The following FAM135B variants were observed in gnomAD, a reference collection of about 807,000 sequenced individuals.
The protein encoded by FAM135B is family with sequence similarity 135 member B, also known as protein FAM135B.
FAM135B carries 43 observed loss-of-function variants against 127.7 expected under a neutral mutation model. The observed-to-expected ratio is 0.34, with a 90% CI of 0.26 to 0.43. FAM135B has a LOEUF of 0.43. Ranked by LOEUF, FAM135B falls within the 20% of genes least tolerant of loss-of-function variation. The pLI is 1.00. For missense variants in FAM135B, 1,558 were observed against 1,725.6 expected (o/e 0.90, Z 1.72); for synonymous variants, 670 against 665.1 (o/e 1.01, Z -0.11).
chr8:138,167,140 T>C (rs1236140309), intron 12 of FAM135B, among the ~76,000 whole-genome samples: 4 of 152,008 alleles, frequency 2.6e-5, no homozygotes, highest in African/African-American at 9.7e-5. Flanking sequence ...AGGGGGATAA[T>C]GTGCTAACTC....
intron 11 of FAM135B, among the ~76,000 whole-genome samples, chr8:138,168,611 T>C (rs1478095449): frequency 1.3e-5 from 2 of 152,114 alleles, no homozygotes; most frequent in Non-Finnish European, 2.9e-5. Flanking sequence ...GAAGAAAAAA[T>C]GTCCCATATT....
rs753374933 is a variant in FAM135B, at chr8:138,420,903, AGCT to A, written c.-19-52904_-19-52902del. ...GCCAACATAATTCTGAATGGGCAAA[AGCT>A]GGAAGCATTCCCCTTGAGCACTGGA... On this transcript the variant is annotated intron_variant, in intron 1 of 19. Coordinates refer to ENST00000395297, the MANE Select transcript of FAM135B (RefSeq NM_015912.4). 4.6e-5 allele frequency among the ~76,000 whole-genome samples: 7 copies of A among 152,342 alleles called. No homozygotes were observed. The East Asian group carries it at 1.4e-3, about 29-fold the overall frequency.
intron 3 of FAM135B, among the ~76,000 whole-genome samples, chr8:138,266,344 G>A (rs1822921157): frequency 6.6e-6 from 1 of 152,078 alleles, no homozygotes; most frequent in East Asian, 1.9e-4. Context: ...TTAGGAAAAT[G>A]TGCTAATCCT....
intron 12 of FAM135B, among the ~76,000 whole-genome samples, chr8:138,154,664 C>T (rs756907018): frequency 2.1e-4 from 32 of 151,734 alleles, no homozygotes; most frequent in African/African-American, 6.8e-4. Flanking sequence ...CTTGAGTAGC[C>T]GATTCAATCA....
chr8:138,209,632 A>G (rs1013516803), intron 7 of FAM135B, among the ~76,000 whole-genome samples: 5 of 152,180 alleles, frequency 3.3e-5, no homozygotes, highest in African/African-American at 1.2e-4. Context: ...AACTAGCAAC[A>G]TATTAGCTAT....
intron 1 of FAM135B, among the ~76,000 whole-genome samples, chr8:138,456,155 T>C (rs1836766281): frequency 6.6e-6 from 1 of 152,212 alleles, no homozygotes; most frequent in South Asian, 2.1e-4. Context: ...TCCCCTGTTA[T>C]GGTTTGAACG....
intron 2 of FAM135B, among the ~76,000 whole-genome samples, chr8:138,350,801 C>T (rs922062193): frequency 2.1e-4 from 32 of 152,170 alleles, no homozygotes; most frequent in African/African-American, 7.5e-4. Context: ...TAAGCTAATT[C>T]CCAGAACTTC....
intron 2 of FAM135B, among the ~76,000 whole-genome samples, chr8:138,334,672 G>A (rs1828430965): frequency 6.6e-6 from 1 of 152,026 alleles, no homozygotes; most frequent in South Asian, 2.1e-4. Context: ...CATTAGTTTG[G>A]TATGAATAAT....
At chr8:138,448,616 G>A (rs1185208184) in intron 1 of FAM135B, among the ~76,000 whole-genome samples, 1 of 152,022 alleles carries the variant, frequency 6.6e-6, no homozygotes, top group Admixed American at 6.6e-5. Context: ...GCTCTCCTGG[G>A]CTTCTGGCTC....
In FAM135B at chr8:138,308,026, G is replaced by A. The variant is rs13265753; in HGVS notation, c.157+2815C>T. On this transcript the variant is annotated intron_variant, in intron 3 of 19. Coordinates refer to ENST00000395297, the MANE Select transcript of FAM135B (RefSeq NM_015912.4). ...CATGCAGACAGTGCTTCCAATGAAC[G>A]GCGAGAGTCTATTTCCGTTCCCCTG... Among the ~76,000 whole-genome samples the A allele has an allele frequency of 3.6e-3, 546 of 152,264 alleles. 2 individuals carry two copies. Among genetic ancestry groups the A allele is most frequent in the Non-Finnish European group, 5.2e-3 (352 of 68,030 alleles).
chr8:138,231,996 T>C (rs536889757), intron 7 of FAM135B, among the ~76,000 whole-genome samples: 5 of 152,288 alleles, frequency 3.3e-5, no homozygotes, highest in African/African-American at 9.6e-5. Flanking sequence ...ACAAATCTTA[T>C]AGGTTAAGAA....
intron 12 of FAM135B, among the ~76,000 whole-genome samples, chr8:138,166,005 A>T (rs1310931609): frequency 6.6e-6 from 1 of 152,238 alleles, no homozygotes; most frequent in African/African-American, 2.4e-5. Context: ...AGCATCATTT[A>T]AATGATGGGC....
chr8:138,259,771 C>A (rs1246622880), intron 4 of FAM135B, among the ~76,000 whole-genome samples: 1 of 152,156 alleles, frequency 6.6e-6, no homozygotes, highest in African/African-American at 2.4e-5. Flanking sequence ...AACACCTCAT[C>A]ACCTTGTTGC....
At chr8:138,431,842 G>A (rs1333693991) in intron 1 of FAM135B, among the ~76,000 whole-genome samples, 2 of 152,162 alleles carry the variant, frequency 1.3e-5, no homozygotes, top group African/African-American at 4.8e-5. Flanking sequence ...AGATACTCCA[G>A]ACTCAGATTG....
chr8:138,301,707 A>G (rs752597022), intron 3 of FAM135B, among the ~76,000 whole-genome samples: 20 of 152,254 alleles, frequency 1.3e-4, no homozygotes, highest in Non-Finnish European at 2.8e-4. Context: ...CACCTTCCTC[A>G]TGAAAGATTA....
At chr8:138,490,327 G>T (rs533050457) in intron 1 of FAM135B, among the ~76,000 whole-genome samples, 1 of 152,212 alleles carries the variant, frequency 6.6e-6, no homozygotes, top group African/African-American at 2.4e-5. Flanking sequence ...AGGGACTCAA[G>T]ATCTAGACAA....
intron 2 of FAM135B, among the ~76,000 whole-genome samples, chr8:138,332,780 T>C (rs2131002560): frequency 6.6e-6 from 1 of 152,162 alleles, no homozygotes; most frequent in African/African-American, 2.4e-5. Flanking sequence ...AGAGAAGAAA[T>C]GAAAGTTGTT....
At chr8:138,207,796 T>C (rs925977416) in intron 7 of FAM135B, among the ~76,000 whole-genome samples, 12 of 152,188 alleles carry the variant, frequency 7.9e-5, no homozygotes, top group African/African-American at 2.2e-4. Context: ...GTCTGCCTTG[T>C]TCTCCCTCAA....
chr8:138,218,797 AGAGAGAGG>A (rs1278582545), intron 7 of FAM135B, among the ~76,000 whole-genome samples: 785 of 22,382 alleles, frequency 0.035, 3 homozygotes, highest in African/African-American at 0.043. Context: ...AGAGAGAGAG[AGAGAGAGG>A]GAGAGAAAGA....
Sources: gnomAD v4.1 joint callset for allele counts (sites outside exome capture counted in the v4.1 genomes callset) on GRCh38, gnomAD v4.1.1 for gene constraint, MANE v1.5 for transcripts, NCBI Gene and HGNC (gene_info 2026-07-23, HGNC 2026-07-21) for gene names.